NIN: variants seen among roughly 807,000 people sequenced by gnomAD.
The protein encoded by NIN is glycogen synthase kinase 3 beta-interacting protein.
Under a neutral mutation model 257.6 loss-of-function variants are expected in NIN, and 137 were observed. The ratio of observed to expected loss-of-function variants is 0.53; its 90% confidence interval spans 0.46 to 0.61. The LOEUF (loss-of-function observed/expected upper bound fraction) is 0.61. Among genes scored for constraint, NIN ranks in the 20% least tolerant of loss-of-function variants. The probability of loss-of-function intolerance (pLI) is 0.00; values close to 1 mark genes in which losing one functional copy is unlikely to be tolerated. For synonymous variants in NIN, 918 were observed against 919.8 expected (o/e 1.00, Z 0.04); for missense variants, 2,439 against 2,501.2 (o/e 0.98, Z 0.53).
chr14:50,820,964 G>A (rs1190901445), intron 3 of NIN, among the ~76,000 whole-genome samples: 1 of 152,160 alleles, frequency 6.6e-6, no homozygotes, highest in African/African-American at 2.4e-5. Context: ...AGGAAGCTCA[G>A]TCACTAGAAT....
chr14:50,744,944 C>G (rs2041469517), intron 22 of NIN, among the ~76,000 whole-genome samples: 1 of 151,872 alleles, frequency 6.6e-6, no homozygotes, highest in Non-Finnish European at 1.5e-5. Flanking sequence ...ACAAAAAAAC[C>G]CCCTAGAATT....
At chr14:50,761,625 A>G (rs2042278358) in intron 16 of NIN, among the ~76,000 whole-genome samples, 165 bp downstream of exon 16, 1 of 152,228 alleles carries the variant, frequency 6.6e-6, no homozygotes, top group African/African-American at 2.4e-5. Flanking sequence ...GAAACTCTCC[A>G]GAAAAAAGGG....
At chr14:50,801,920 C>T (rs2044120873) in intron 4 of NIN, among the ~76,000 whole-genome samples, 1 of 152,134 alleles carries the variant, frequency 6.6e-6, no homozygotes, top group Admixed American at 6.6e-5. Context: ...AAAGAGCTTC[C>T]TGCATTATGC....
At chr14:50,807,370 G>T (rs1233861109) in intron 3 of NIN, among the ~76,000 whole-genome samples, 1 of 152,140 alleles carries the variant, frequency 6.6e-6, no homozygotes, top group Non-Finnish European at 1.5e-5. Flanking sequence ...AAGGATAAAA[G>T]AATCTTAAGA....
At chr14:50,810,141 G>A (rs556944464) in intron 3 of NIN, among the ~76,000 whole-genome samples, 12 of 150,476 alleles carry the variant, frequency 8.0e-5, no homozygotes, top group African/African-American at 2.4e-4. Flanking sequence ...TGAGGCAGGA[G>A]AATGGCATGA....
chr14:50,783,149 C>T (rs967148612), intron 5 of NIN, among the ~76,000 whole-genome samples: 18 of 152,080 alleles, frequency 1.2e-4, no homozygotes, highest in African/African-American at 2.4e-4. Context: ...CAACCTCCCA[C>T]GCTCAGGTGA....
At chr14:50,743,608 A>G (rs2041395723) in intron 23 of NIN, 79 bp from the exon 24 acceptor site, 4 of 792,602 alleles carry the variant, frequency 5.0e-6, no homozygotes, top group South Asian at 4.3e-5. Context: ...CTGCACTTAC[A>G]TTGTCAAGAA....
intron 8 of NIN, 147 bp from the exon 9 acceptor site, chr14:50,772,615 G>T: frequency 1.4e-6 from 1 of 714,330 alleles, no homozygotes; most frequent in Non-Finnish European, 2.3e-6. Context: ...TCTGATCTCT[G>T]TTCCCAACTG....
At chr14:50,733,194 G>A (rs912348817) in intron 28 of NIN, among the ~76,000 whole-genome samples, 2 of 151,982 alleles carry the variant, frequency 1.3e-5, no homozygotes, top group Admixed American at 6.6e-5. Flanking sequence ...CCGGGTTCAA[G>A]CGATTCTCCT....
intron 3 of NIN, among the ~76,000 whole-genome samples, chr14:50,817,787 C>T (rs2063378582): frequency 6.6e-6 from 1 of 152,082 alleles, no homozygotes; most frequent in African/African-American, 2.4e-5. Context: ...GTGATCTCGG[C>T]CCACTGCAAC....
chr14:50,824,296 C>A (rs1277639332), intron 2 of NIN, among the ~76,000 whole-genome samples: 1 of 152,198 alleles, frequency 6.6e-6, no homozygotes, highest in Non-Finnish European at 1.5e-5. Flanking sequence ...GATATACTAT[C>A]ATGCCCCACT....
chr14:50,724,337 C>A, intron 30 of NIN: 1 of 210,234 alleles, frequency 4.8e-6, no homozygotes. Flanking sequence ...CATTTTACAC[C>A]CAATTTCAAG....
At position 50,768,025 on chromosome 14, in the gene NIN, TAAGA is replaced by T. The variant is rs376036094; in HGVS notation, c.1435-1139_1435-1136del. Among the ~76,000 whole-genome samples the T allele has an allele frequency of 1.5e-3, 222 of 150,426 alleles. 2 individuals carry two copies. The highest frequency in any genetic ancestry group is 5.1e-3 in the African/African-American group (209 of 40,908). On this transcript the variant is annotated intron_variant, in intron 12 of 30. Coordinates refer to ENST00000530997, the MANE Select transcript of NIN (RefSeq NM_020921.4). The stretch of plus-strand genomic sequence containing the variant: ...AAAGGATCTGTATATATAGTATTTT[TAAGA>T]AAGATTTCCAACCACATTTGCCAAC...
chr14:50,743,792 T>TGGTAAGCTGGAAGGC (rs1275372196), intron 23 of NIN, among the ~76,000 whole-genome samples: 1 of 152,072 alleles, frequency 6.6e-6, no homozygotes, highest in Non-Finnish European at 1.5e-5. Flanking sequence ...GGGTGGAAGA[T>TGGTAAGCTGGAAGGC]GGTAAGCTGG....
chr14:50,812,747 G>A (rs1190287743), intron 3 of NIN, among the ~76,000 whole-genome samples: 3 of 152,272 alleles, frequency 2.0e-5, no homozygotes, highest in East Asian at 1.9e-4. Flanking sequence ...AAAGGTCTCC[G>A]AAATTTATTT....
chr14:50,729,448 C>A, intron 29 of NIN, 75 bp downstream of exon 29: 2 of 1,414,464 alleles, frequency 1.4e-6, no homozygotes, highest in South Asian at 1.4e-5. Flanking sequence ...TTCTCTCCAC[C>A]TTTGAACTGG....
At chr14:50,733,632 G>A (rs2040829514) in intron 28 of NIN, among the ~76,000 whole-genome samples, 1 of 152,164 alleles carries the variant, frequency 6.6e-6, no homozygotes, top group South Asian at 2.1e-4. Context: ...GGAACAGGCA[G>A]GAGAAGAACT....
intron 24 of NIN, 43 bp downstream of exon 24, chr14:50,743,373 G>A: frequency 8.2e-7 from 1 of 1,217,048 alleles, no homozygotes; most frequent in South Asian, 1.2e-5. Context: ...GAAGATCTAG[G>A]AGAATACTAA....
chr14:50,737,646 GTT>G (rs35662853), intron 27 of NIN, among the ~76,000 whole-genome samples: 46,944 of 136,794 alleles, frequency 0.34, 9,513 homozygotes, highest in African/African-American at 0.58. Context: ...TTTTGTTGTT[GTT>G]TTTTTTTTTT....
Sources: allele counts gnomAD v4.1 joint callset (sites outside exome capture counted in the v4.1 genomes callset), GRCh38; gene constraint gnomAD v4.1.1; transcripts MANE v1.5; gene names NCBI Gene and HGNC (gene_info 2026-07-23, HGNC 2026-07-21).